The following CACHD1 variants were observed in gnomAD, a reference collection of about 807,000 sequenced individuals.
CACHD1 encodes VWFA and cache domain-containing protein 1.
In CACHD1, 71 loss-of-function variants were observed where a neutral mutation model predicts 138.7. That is an observed-to-expected ratio of 0.51 (90% confidence interval 0.42 to 0.62). The LOEUF (loss-of-function observed/expected upper bound fraction) is 0.62. Among genes scored for constraint, CACHD1 ranks in the 20% least tolerant of loss-of-function variants. The probability of loss-of-function intolerance (pLI) is 0.00; values close to 1 mark genes in which losing one functional copy is unlikely to be tolerated. For missense variants in CACHD1, 1,389 were observed against 1,625.3 expected (o/e 0.85, Z 2.50); for synonymous variants, 578 against 591.5 (o/e 0.98, Z 0.33).
chr1:64,529,427 G>A (rs369259863), intron 1 of CACHD1, among the ~76,000 whole-genome samples: 3 of 151,940 alleles, frequency 2.0e-5, no homozygotes, highest in African/African-American at 4.8e-5. Context: ...TCAATACTTC[G>A]CAACCAATCT....
At chr1:64,573,084 G>A (rs1349870808) in intron 2 of CACHD1, among the ~76,000 whole-genome samples, 2 of 152,150 alleles carry the variant, frequency 1.3e-5, no homozygotes, top group African/African-American at 2.4e-5. Context: ...TCTTTTGGGG[G>A]CAAGTATGGA....
intron 1 of CACHD1, among the ~76,000 whole-genome samples, chr1:64,525,676 A>G (rs1042547204): frequency 6.6e-5 from 10 of 152,228 alleles, no homozygotes; most frequent in Non-Finnish European, 1.2e-4. Context: ...AATTGATTCC[A>G]CAGGTGCAAT....
chr1:64,569,620 CCT>C (rs961416404), intron 2 of CACHD1, among the ~76,000 whole-genome samples: 3 of 152,124 alleles, frequency 2.0e-5, no homozygotes, highest in Non-Finnish European at 4.4e-5. Flanking sequence ...CTCTGGTGTG[CCT>C]CTCTCTGTGT....
intron 1 of CACHD1, among the ~76,000 whole-genome samples, chr1:64,501,372 G>A (rs903026308): frequency 6.6e-6 from 1 of 152,124 alleles, no homozygotes; most frequent in African/African-American, 2.4e-5. Context: ...TTTATTTTAT[G>A]TATCATTTCT....
At chr1:64,525,709 CTA>C (rs1451318598) in intron 1 of CACHD1, among the ~76,000 whole-genome samples, 2 of 152,204 alleles carry the variant, frequency 1.3e-5, no homozygotes, top group African/African-American at 4.8e-5. Flanking sequence ...TTAGATTTCT[CTA>C]TAGACACTTC....
Position 64,641,806 on chromosome 1 carries a change from G to C in CACHD1, c.1007-14G>C. The C allele has an allele frequency of 2.1e-6, 3 of 1,449,508 alleles. No homozygotes were observed. The highest frequency in any genetic ancestry group is 2.7e-6 in the Non-Finnish European group (3 of 1,096,242). The allele number at this position is 1,449,508 out of a possible 1,614,324, so 89.8% of individuals were successfully genotyped here. ...AATCCAAAGAGAGCATTCAATTGAT[G>C]TGTTTTTGTTTAGATACAGACATGG... On this transcript the variant is annotated splice_polypyrimidine_tract_variant and intron_variant, in intron 7 of 26. Coordinates refer to ENST00000651257, the MANE Select transcript of CACHD1 (RefSeq NM_020925.4).
intron 8 of CACHD1, among the ~76,000 whole-genome samples, chr1:64,645,205 G>A (rs1444438021): frequency 6.6e-6 from 1 of 152,052 alleles, no homozygotes; most frequent in Non-Finnish European, 1.5e-5. Context: ...ATTGGTAATG[G>A]TTACATTCTA....
intron 26 of CACHD1, among the ~76,000 whole-genome samples, chr1:64,690,700 A>C (rs1261853227): frequency 1.3e-5 from 2 of 152,182 alleles, no homozygotes; most frequent in East Asian, 3.9e-4. Context: ...CTGAATTGTA[A>C]AATGTATATT....
intron 1 of CACHD1, among the ~76,000 whole-genome samples, chr1:64,509,139 A>C (rs1348264485): frequency 6.6e-6 from 1 of 152,140 alleles, no homozygotes; most frequent in African/African-American, 2.4e-5. Context: ...CCTAACTATG[A>C]GTATGGATGA....
intron 1 of CACHD1, among the ~76,000 whole-genome samples, chr1:64,548,970 A>G (rs1646738818): frequency 6.6e-6 from 1 of 152,220 alleles, no homozygotes; most frequent in African/African-American, 2.4e-5. Context: ...GGAGCGCCAG[A>G]TCTGAAGTCA....
intron 26 of CACHD1, among the ~76,000 whole-genome samples, chr1:64,685,890 G>A (rs1650353131): frequency 4.0e-5 from 6 of 151,818 alleles, no homozygotes; most frequent in Admixed American, 3.9e-4. Flanking sequence ...GTTGCAATGA[G>A]GATGAAATGA....
chr1:64,574,064 T>A (rs1281705592), intron 2 of CACHD1, among the ~76,000 whole-genome samples: 2 of 152,186 alleles, frequency 1.3e-5, no homozygotes, highest in Non-Finnish European at 2.9e-5. Context: ...TCAAAGAGGT[T>A]GAAATTGGGC....
chr1:64,524,163 TTGTAAAGGTTTTGC>T lies in CACHD1; in HGVS notation c.199-26428_199-26415del, dbSNP rs545577976. 6.4e-4 allele frequency among the ~76,000 whole-genome samples: 97 copies of T among 152,346 alleles called. 1 individual carries two copies. The highest frequency in any genetic ancestry group is 1.1e-3 in the Non-Finnish European group (75 of 68,038). ...AAATGGTGCCAGGCTCTGAATAGGC[TTGTAAAGGTTTTGC>T]TGACTCTTTTGTTTTTGTTTTTATG... On this transcript the variant is annotated intron_variant, in intron 1 of 26. Transcript: ENST00000651257.
intron 13 of CACHD1, among the ~76,000 whole-genome samples, chr1:64,661,914 C>G (rs1413449457): frequency 6.6e-6 from 1 of 152,092 alleles, no homozygotes; most frequent in African/African-American, 2.4e-5. Context: ...TAATAAAATT[C>G]CTGGATTGAA....
intron 2 of CACHD1, among the ~76,000 whole-genome samples, chr1:64,581,231 A>C (rs999178212): frequency 6.6e-6 from 1 of 152,192 alleles, no homozygotes; most frequent in Non-Finnish European, 1.5e-5. Flanking sequence ...ATTTGACTCC[A>C]TGTTCTCAGC....
chr1:64,582,124 T>C (rs1647017670), intron 2 of CACHD1, 32 bp from the exon 3 acceptor site: 1 of 1,610,110 alleles, frequency 6.2e-7, no homozygotes, highest in African/African-American at 1.3e-5. Flanking sequence ...GTCTTGGACT[T>C]TCGATTTATT....
At chr1:64,582,027 G>A in intron 2 of CACHD1, 129 bp from the exon 3 acceptor site, 1 of 1,009,666 alleles carries the variant, frequency 9.9e-7, no homozygotes, top group Non-Finnish European at 1.4e-6. Context: ...TGACTTGGGT[G>A]TGTGTTGTTT....
intron 24 of CACHD1, among the ~76,000 whole-genome samples, chr1:64,680,324 A>C (rs543896760): frequency 6.6e-6 from 1 of 152,154 alleles, no homozygotes; most frequent in Admixed American, 6.5e-5. Context: ...CCCCGCCTCT[A>C]CTAAAAATAC....
intron 1 of CACHD1, among the ~76,000 whole-genome samples, chr1:64,500,729 AAAAAAAGAGAG>A (rs1646333393): frequency 4.2e-5 from 2 of 48,122 alleles, no homozygotes; most frequent in Non-Finnish European, 4.4e-5. Context: ...AAAAAAAAAA[AAAAAAAGAGAG>A]AGAGAGAGAG....
Sources: allele counts gnomAD v4.1 joint callset (sites outside exome capture counted in the v4.1 genomes callset), GRCh38; gene constraint gnomAD v4.1.1; transcripts MANE v1.5; gene names NCBI Gene and HGNC (gene_info 2026-07-23, HGNC 2026-07-21).